CEP295: variants seen among roughly 807,000 people sequenced by gnomAD.
The protein encoded by CEP295 is centrosomal protein 295, also known as centrosomal protein of 295 kDa.
CEP295 carries 190 observed loss-of-function variants against 291.6 expected under a neutral mutation model. The ratio of observed to expected loss-of-function variants is 0.65; its 90% CI spans 0.58 to 0.73. The LOEUF (loss-of-function observed/expected upper bound fraction) is 0.73, where lower values mean the gene tolerates loss of function less well. CEP295 is among the 30% of genes least tolerant of loss of function. CEP295 has a pLI of 0.00. For synonymous variants in CEP295, 993 were observed against 1,038.8 expected, an observed-to-expected ratio of 0.96 and a Z score of 0.85; for missense variants, 2,863 against 2,949.4, an observed-to-expected ratio of 0.97 and a Z score of 0.68.
intron 5 of CEP295, among the ~76,000 whole-genome samples, chr11:93,671,649 T>G (rs1414441073): frequency 1.3e-5 from 2 of 151,984 alleles, no homozygotes; most frequent in East Asian, 3.9e-4. Context: ...CCAATAAAGG[T>G]GTTTGGGATA....
chr11:93,710,614 A>G (rs549205288), intron 18 of CEP295, among the ~76,000 whole-genome samples: 1 of 152,318 alleles, frequency 6.6e-6, no homozygotes, highest in South Asian at 2.1e-4. Flanking sequence ...GATTAGGGCA[A>G]TACTGGCCTT....
Position 93,729,519 on chromosome 11 carries a change from CAG to C in CEP295, c.7389_7390del (p.Ala2464IlefsTer40). 1.3e-6 allele frequency: 2 copies of C among 1,551,448 alleles called. No individual in the cohort carries two copies. Among genetic ancestry groups the C allele is most frequent in the Non-Finnish European group, 1.7e-6 (2 of 1,146,608 alleles). ...GAACTTTCCATAGAAAAACCAAGGA[CAG>C]CATCTACAGGTAAGCCTTGGACGGC... On this transcript the variant is annotated frameshift_variant, in exon 26 of 30. Coordinates refer to ENST00000325212, the MANE Select transcript of CEP295 (RefSeq NM_033395.2). LOFTEE classifies it high-confidence loss of function.
At chr11:93,712,241 T>TTTTATTTATTTA (rs200484265) in intron 18 of CEP295, among the ~76,000 whole-genome samples, 2 of 151,828 alleles carry the variant, frequency 1.3e-5, no homozygotes, top group South Asian at 2.1e-4. Flanking sequence ...TGTCTTGAAA[T>TTTTATTTATTTA]TTTATTTATT....
At chr11:93,701,659 C>T (rs543574414) in intron 15 of CEP295, among the ~76,000 whole-genome samples, 15 of 151,932 alleles carry the variant, frequency 9.9e-5, no homozygotes, top group African/African-American at 3.1e-4. Context: ...GCTGGAGTGC[C>T]GTGACGTCAT....
chr11:93,729,385 CGCTT>C (rs1565229370), intron 25 of CEP295, 45 bp from the exon 26 acceptor site: 8 of 1,286,692 alleles, frequency 6.2e-6, no homozygotes, highest in Non-Finnish European at 8.8e-6. Flanking sequence ...GAGCAAGACC[CGCTT>C]AAAGCGTTTA....
chr11:93,698,532 C>T lies in CEP295; in HGVS notation c.3620C>T (p.Ser1207Phe). ...ISSEQTGTSS[S>F]LSQVDESERF... is the part of the protein sequence containing the mutation. The stretch of plus-strand genomic sequence containing the variant: ...TCTGAACAGACTGGCACCTCCTCAT[C>T]CCTTTCCCAGGTGGATGAATCTGAG... Residue 1207 changes from serine (S) to phenylalanine (F), a missense_variant, in exon 15 of 30, where the codon TCC becomes TTC. By Grantham distance (155) the Ser-to-Phe change is radical. Around this residue, in one of 3 missense-constraint regions of CEP295, gnomAD observed 2,295 missense variants for 2,335.7 expected, o/e 0.98. Coordinates refer to ENST00000325212, the MANE Select transcript of CEP295 (RefSeq NM_033395.2). 6.4e-7 allele frequency: 1 copy of T among 1,552,162 alleles called. No individual in the cohort carries two copies. The highest frequency in any genetic ancestry group is 8.7e-7 in the Non-Finnish European group (1 of 1,147,068).
chr11:93,706,667 C>G, intron 17 of CEP295, 78 bp from the exon 18 acceptor site: 1 of 1,227,170 alleles, frequency 8.1e-7, no homozygotes, highest in Non-Finnish European at 1.1e-6. Flanking sequence ...AGATTTCTAC[C>G]CATAATATAA....
chr11:93,725,146 C>G (rs990108217), intron 22 of CEP295, among the ~76,000 whole-genome samples: 3 of 151,558 alleles, frequency 2.0e-5, no homozygotes, highest in Non-Finnish European at 2.9e-5. Flanking sequence ...CCCAGCTACT[C>G]GGGAGGCTGA....
chr11:93,718,831 C>T (rs1218341256), intron 18 of CEP295, among the ~76,000 whole-genome samples: 1 of 152,202 alleles, frequency 6.6e-6, no homozygotes, highest in Non-Finnish European at 1.5e-5. Flanking sequence ...CAAATGTCAG[C>T]CAGGCACGGT....
At chr11:93,688,912 C>T (rs1248399319) in intron 10 of CEP295, among the ~76,000 whole-genome samples, 2 of 152,198 alleles carry the variant, frequency 1.3e-5, no homozygotes, top group East Asian at 3.8e-4. Flanking sequence ...GCTTTTCCTA[C>T]AGTATTCCAC....
At chr11:93,707,959 A>G (rs1424548314) in intron 18 of CEP295, among the ~76,000 whole-genome samples, 1 of 152,218 alleles carries the variant, frequency 6.6e-6, no homozygotes, top group African/African-American at 2.4e-5. Context: ...TGTGGATTAA[A>G]ATAACTGTAA....
At chr11:93,707,574 C>T (rs1191192972) in intron 18 of CEP295, among the ~76,000 whole-genome samples, 1 of 151,988 alleles carries the variant, frequency 6.6e-6, no homozygotes, top group Non-Finnish European at 1.5e-5. Context: ...CCACGGCTAA[C>T]ACCGTGAAAC....
At chr11:93,687,256 G>A (rs764004141) in intron 9 of CEP295, among the ~76,000 whole-genome samples, 11 of 152,114 alleles carry the variant, frequency 7.2e-5, no homozygotes, top group Non-Finnish European at 1.5e-4. Context: ...CCATTCTCTA[G>A]TGTAGACTAT....
chr11:93,723,427 T>C, intron 21 of CEP295, 138 bp downstream of exon 21: 1 of 643,762 alleles, frequency 1.6e-6, no homozygotes, highest in African/African-American at 1.8e-5. Flanking sequence ...CCACAGAATA[T>C]ATTGAGGGCA....
At chr11:93,720,329 C>T (rs1953609469) in intron 18 of CEP295, among the ~76,000 whole-genome samples, 1 of 151,354 alleles carries the variant, frequency 6.6e-6, no homozygotes, top group African/African-American at 2.4e-5. Flanking sequence ...AAAAATTAGC[C>T]AGGCATGGTG....
At position 93,666,734 on chromosome 11, in the gene CEP295, C is replaced by T; in HGVS notation, c.27C>T (p.His9=). Residue 9 remains histidine (H), a synonymous_variant, in exon 2 of 30, where the codon CAC becomes CAT. Coordinates refer to ENST00000325212, the MANE Select transcript of CEP295 (RefSeq NM_033395.2). MKRKVVNT[H]KLRLSPNEEA... ...TGAAGAGAAAAGTCGTGAATACTCACAAGCTGAGATTGAGTCCTAATGAGG... is the reference window on the plus strand; with the variant it reads ...TGAAGAGAAAAGTCGTGAATACTCATAAGCTGAGATTGAGTCCTAATGAGG... The T allele has an allele frequency of 6.5e-7, 1 of 1,543,532 alleles. No homozygotes were observed. The highest frequency in any genetic ancestry group is 8.8e-7 in the Non-Finnish European group (1 of 1,141,196).
intron 9 of CEP295, among the ~76,000 whole-genome samples, chr11:93,685,581 T>C (rs757988127): frequency 6.6e-6 from 1 of 152,262 alleles, no homozygotes; most frequent in Non-Finnish European, 1.5e-5. Context: ...GTTTTGACTT[T>C]GGCATAAGCT....
At position 93,684,112 on chromosome 11, in the gene CEP295, T is replaced by G. The variant is rs1173217663; in HGVS notation, c.1098T>G (p.Cys366Trp). 1 of 1,551,406 alleles carries G rather than the reference T, an allele frequency of 6.4e-7. No homozygotes were observed. Among genetic ancestry groups the G allele is most frequent in the Admixed American group, 2.0e-5 (1 of 50,954 alleles). ...EDLPVTEAEI[C>W]SSETDVPLVM... ...TTCCAGTGACAGAAGCTGAAATATG[T>G]TCTAGTGAAACAGATGGTAAAAACC... Residue 366 changes from cysteine (C) to tryptophan (W), a missense_variant, in exon 9 of 30, where the codon TGT (cysteine) becomes TGG (tryptophan). By Grantham distance (215) the Cys-to-Trp change is radical (BLOSUM62 -2). Coordinates refer to ENST00000325212, the MANE Select transcript of CEP295 (RefSeq NM_033395.2).
At chr11:93,662,019 G>C (rs544581766) in intron 1 of CEP295, among the ~76,000 whole-genome samples, 178 of 152,280 alleles carry the variant, frequency 1.2e-3, no homozygotes, top group African/African-American at 4.1e-3. Flanking sequence ...GCGCTCTCCT[G>C]GGGTCGGGTC....
Sources: gnomAD v4.1 joint callset for allele counts (sites outside exome capture counted in the v4.1 genomes callset) on GRCh38, gnomAD v4.1.1 for gene constraint, gnomAD v4.1.1 regional missense constraint, MANE v1.5 for transcripts, NCBI Gene and HGNC (gene_info 2026-07-23, HGNC 2026-07-21) for gene names.